FCHSD2: variants seen among roughly 807,000 people sequenced by gnomAD.
The protein encoded by FCHSD2 is F-BAR and double SH3 domains protein 2.
A neutral mutation model predicts 108.1 loss-of-function variants in FCHSD2; 38 were observed. The observed-to-expected ratio is 0.35, with a 90% CI of 0.27 to 0.46. The LOEUF is 0.46. Among genes scored for constraint, FCHSD2 ranks in the 20% least tolerant of loss-of-function variants. FCHSD2 has a pLI of 1.00. For missense variants in FCHSD2, 751 were observed against 897.8 expected, an observed-to-expected ratio of 0.84 and a Z score of 2.09; for synonymous variants, 279 against 314.7, an observed-to-expected ratio of 0.89 and a Z score of 1.20.
At chr11:73,059,442 T>G (rs1423731695) in intron 3 of FCHSD2, among the ~76,000 whole-genome samples, 1 of 152,214 alleles carries the variant, frequency 6.6e-6, no homozygotes, top group Non-Finnish European at 1.5e-5. Flanking sequence ...GCCATCAGAC[T>G]GCACTTCAAA....
chr11:72,887,042 C>A (rs1180285909), intron 12 of FCHSD2, among the ~76,000 whole-genome samples: 3 of 151,460 alleles, frequency 2.0e-5, no homozygotes, highest in Non-Finnish European at 4.4e-5. Flanking sequence ...ATCCAGGGAA[C>A]CTTCCATATG....
rs369700486 is a variant in FCHSD2, at chr11:73,066,821, A to G, written c.165+16874T>C. Among the ~76,000 whole-genome samples, 147 of 152,344 alleles carry G rather than the reference A, an allele frequency of 9.6e-4. 2 individuals are homozygous for G. In the South Asian group the frequency reaches 0.029, roughly 31 times the overall value. ...CCAGTTAGAATGGCGATCATTAAAA[A>G]GTCAGGAAACAACAGATGCTGGAGA... On this transcript the variant is annotated intron_variant, in intron 3 of 19. Coordinates refer to ENST00000409418, the MANE Select transcript of FCHSD2 (RefSeq NM_014824.3).
chr11:72,858,174 A>G (rs1399227465), intron 13 of FCHSD2, among the ~76,000 whole-genome samples: 1 of 152,238 alleles, frequency 6.6e-6, no homozygotes, highest in Non-Finnish European at 1.5e-5. Context: ...CAGCTCCTCA[A>G]TATTTACTAA....
intron 2 of FCHSD2, among the ~76,000 whole-genome samples, chr11:73,139,827 T>C (rs1201175326): frequency 1.3e-5 from 2 of 152,236 alleles, no homozygotes; most frequent in African/African-American, 4.8e-5. Context: ...CTGAATACTA[T>C]GTGTGCATTA....
intron 2 of FCHSD2, among the ~76,000 whole-genome samples, chr11:73,128,606 A>G (rs1465155273): frequency 2.0e-5 from 3 of 152,210 alleles, no homozygotes; most frequent in Non-Finnish European, 4.4e-5. Context: ...AAGGTAGGAA[A>G]AATTTGCATA....
At position 73,126,339 on chromosome 11, in the gene FCHSD2, TAAAAA is replaced by T. The variant is rs61586562; in HGVS notation, c.119+13687_119+13691del. ...TGGGCAACAGGGCAAGATTCCATCT[TAAAAA>T]AAAAAAAAAAAAAAAAAAAAAAAAA... On this transcript the variant is annotated intron_variant, in intron 2 of 19. Transcript: ENST00000409418. Among the ~76,000 whole-genome samples, 160 of 27,644 alleles carry T rather than the reference TAAAAA, an allele frequency of 5.8e-3. 1 individual carries two copies. Among genetic ancestry groups the T allele is most frequent in the Admixed American group, 0.016 (23 of 1,418 alleles). 18.1% of individuals were successfully genotyped at this position (27,644 alleles called of 152,430 possible).
At chr11:73,023,182 A>G (rs909124121) in intron 3 of FCHSD2, among the ~76,000 whole-genome samples, 2 of 152,160 alleles carry the variant, frequency 1.3e-5, no homozygotes, top group Non-Finnish European at 2.9e-5. Flanking sequence ...CATGAAAGAA[A>G]AATGATAAAT....
chr11:73,099,537 A>G (rs1198338482), intron 2 of FCHSD2, among the ~76,000 whole-genome samples: 1 of 152,248 alleles, frequency 6.6e-6, no homozygotes, highest in Non-Finnish European at 1.5e-5. Context: ...AAGTGGGAAA[A>G]AAACAAAACC....
At chr11:73,049,099 A>C (rs1002980085) in intron 3 of FCHSD2, among the ~76,000 whole-genome samples, 3 of 152,212 alleles carry the variant, frequency 2.0e-5, no homozygotes, top group Admixed American at 6.5e-5. Flanking sequence ...AGGATGGTGA[A>C]GATCTGATTT....
chr11:73,111,327 T>C (rs1860479921), intron 2 of FCHSD2, among the ~76,000 whole-genome samples: 1 of 152,230 alleles, frequency 6.6e-6, no homozygotes, highest in Admixed American at 6.5e-5. Context: ...ACAACTGTTA[T>C]ATCTTCTTGC....
intron 2 of FCHSD2, among the ~76,000 whole-genome samples, chr11:73,102,739 G>T (rs977961953): frequency 6.6e-6 from 1 of 152,138 alleles, no homozygotes; most frequent in Non-Finnish European, 1.5e-5. Context: ...ATGTGATAAT[G>T]CATCAAGAGC....
intron 6 of FCHSD2, among the ~76,000 whole-genome samples, chr11:72,986,163 T>A (rs1395858787): frequency 6.6e-6 from 1 of 152,188 alleles, no homozygotes; most frequent in Non-Finnish European, 1.5e-5. Context: ...GTTTAAAAGA[T>A]TCCTGTTATT....
intron 8 of FCHSD2, among the ~76,000 whole-genome samples, chr11:72,945,274 A>C (rs541949784): frequency 6.6e-6 from 1 of 152,316 alleles, no homozygotes; most frequent in Non-Finnish European, 1.5e-5. Flanking sequence ...TCTTTGACAA[A>C]CCTGACAAAA....
At chr11:72,967,543 T>C (rs890432033) in intron 8 of FCHSD2, among the ~76,000 whole-genome samples, 1 of 152,188 alleles carries the variant, frequency 6.6e-6, no homozygotes, top group African/African-American at 2.4e-5. Context: ...ATTCCATTTA[T>C]ATGAAATGAC....
chr11:72,924,053 A>G (rs1262743731), intron 8 of FCHSD2, among the ~76,000 whole-genome samples: 1 of 151,362 alleles, frequency 6.6e-6, no homozygotes, highest in Admixed American at 6.6e-5. Flanking sequence ...ATTTTCTCCC[A>G]TTTTGTGGGC....
At chr11:72,840,804 G>A (rs1483913943) in intron 19 of FCHSD2, 73 bp downstream of exon 19, 1 of 1,144,100 alleles carries the variant, frequency 8.7e-7, no homozygotes, top group African/African-American at 1.5e-5. Flanking sequence ...AGGGGCCACG[G>A]GGAAACATTA....
chr11:72,880,899 C>CAACA (rs1252773918), intron 12 of FCHSD2, among the ~76,000 whole-genome samples: 4 of 148,770 alleles, frequency 2.7e-5, no homozygotes, highest in African/African-American at 9.9e-5. Context: ...ACAACAACAA[C>CAACA]AACAAACAAA....
chr11:73,124,851 C>A (rs921236591), intron 2 of FCHSD2, among the ~76,000 whole-genome samples: 1 of 151,680 alleles, frequency 6.6e-6, no homozygotes, highest in African/African-American at 2.4e-5. Flanking sequence ...TAATTACAGA[C>A]ACTATACTAG....
intron 13 of FCHSD2, among the ~76,000 whole-genome samples, chr11:72,865,443 C>T (rs1854700206): frequency 1.3e-5 from 2 of 152,076 alleles, no homozygotes. Flanking sequence ...AGAAAAACGT[C>T]GGATGGAATT....
Sources: gnomAD v4.1 joint callset for allele counts (sites outside exome capture counted in the v4.1 genomes callset) on GRCh38, gnomAD v4.1.1 for gene constraint, MANE v1.5 for transcripts, NCBI Gene and HGNC (gene_info 2026-07-23, HGNC 2026-07-21) for gene names.